ISY1: variants seen among roughly 807,000 people sequenced by gnomAD.
ISY1 encodes pre-mRNA-splicing factor ISY1 homolog.
A neutral mutation model predicts 54.4 loss-of-function variants in ISY1; 12 were observed. That is an observed-to-expected ratio of 0.22 (90% confidence interval 0.14 to 0.36). ISY1 has a LOEUF of 0.36. ISY1 is among the 10% of genes least tolerant of loss of function. The pLI is 1.00. For missense variants in ISY1, 282 were observed against 342.2 expected (o/e 0.82, Z 1.39); for synonymous variants, 96 against 117.9 (o/e 0.81, Z 1.20).
chr3:129,152,658 G>A (rs1301464130), intron 5 of ISY1, among the ~76,000 whole-genome samples: 1 of 151,814 alleles, frequency 6.6e-6, no homozygotes, highest in Non-Finnish European at 1.5e-5. Context: ...CACCCACCTT[G>A]GCCTCCCAAA....
intron 9 of ISY1, among the ~76,000 whole-genome samples, chr3:129,131,559 A>G (rs577213722): frequency 5.3e-5 from 8 of 151,930 alleles, no homozygotes; most frequent in Admixed American, 1.3e-4. Flanking sequence ...GTGTGTGTTC[A>G]CCCTGTGAAA....
In ISY1 at chr3:129,130,068, C is replaced by A. The variant is rs749908400; in HGVS notation, c.*13G>T. 5 of 1,568,104 alleles carry A rather than the reference C, an allele frequency of 3.2e-6. No individual in the cohort carries two copies. The highest frequency in any genetic ancestry group is 4.3e-6 in the Non-Finnish European group (5 of 1,161,390). ...GGGGATGGAAGAACTCCAAGGAGAG[C>A]CCCAGCTGGGTCCTAATACCCCAGG... On this transcript the variant is annotated 3_prime_UTR_variant, in exon 11 of 11. Transcript: ENST00000393295.
intron 5 of ISY1, among the ~76,000 whole-genome samples, chr3:129,148,917 T>TA (rs1560019980): frequency 2.6e-5 from 4 of 152,218 alleles, no homozygotes; most frequent in African/African-American, 9.6e-5. Flanking sequence ...GCCCACTTCT[T>TA]AAAACAAATT....
chr3:129,147,455 C>T (rs1936802182), intron 5 of ISY1, among the ~76,000 whole-genome samples: 2 of 152,086 alleles, frequency 1.3e-5, no homozygotes, highest in African/African-American at 4.8e-5. Flanking sequence ...GAAAAAAGAC[C>T]TGCCACCACC....
intron 5 of ISY1, among the ~76,000 whole-genome samples, chr3:129,150,241 G>A (rs954155494): frequency 6.6e-6 from 1 of 152,088 alleles, no homozygotes; most frequent in Non-Finnish European, 1.5e-5. Flanking sequence ...AAAAAATCCT[G>A]TTAGAATTTT....
chr3:129,158,375 T>G, intron 3 of ISY1, 133 bp downstream of exon 3: 1 of 1,240,488 alleles, frequency 8.1e-7, no homozygotes, highest in South Asian at 1.3e-5. Flanking sequence ...CCCAGACTGG[T>G]CTCAAACTCC....
intron 3 of ISY1, among the ~76,000 whole-genome samples, chr3:129,158,157 C>T (rs2342286): frequency 4.2e-4 from 59 of 141,224 alleles, no homozygotes; most frequent in African/African-American, 1.5e-3. Context: ...CTGCACCCTA[C>T]TTTTTTTTTT....
chr3:129,159,832 A>G (rs1333743300), intron 1 of ISY1, among the ~76,000 whole-genome samples: 1 of 152,188 alleles, frequency 6.6e-6, no homozygotes, highest in Non-Finnish European at 1.5e-5. Flanking sequence ...CATCTTACAG[A>G]GCTGTCACGA....
intron 1 of ISY1, among the ~76,000 whole-genome samples, chr3:129,159,993 T>C (rs1334592308): frequency 6.6e-6 from 1 of 152,130 alleles, no homozygotes; most frequent in Non-Finnish European, 1.5e-5. Context: ...CCGCAGTAAT[T>C]TGGGATATAC....
At chr3:129,140,298 TTAGCATA>T in intron 7 of ISY1, 63 bp downstream of exon 7, 1 of 1,353,150 alleles carries the variant, frequency 7.4e-7, no homozygotes. Context: ...GTAAGAGCAG[TTAGCATA>T]TAGCATATCT....
intron 6 of ISY1, among the ~76,000 whole-genome samples, chr3:129,143,294 G>A (rs1414865854): frequency 6.6e-6 from 1 of 151,642 alleles, no homozygotes; most frequent in Admixed American, 6.6e-5. Flanking sequence ...ATCACCAGAG[G>A]TCAGGAGTTC....
At chr3:129,130,228 GC>G (rs759141675) in intron 10 of ISY1, 40 bp from the exon 11 acceptor site, 2 of 1,557,798 alleles carry the variant, frequency 1.3e-6, no homozygotes, top group Non-Finnish European at 1.7e-6. Context: ...CCTCAGCAAA[GC>G]CCCTCAACCC....
intron 5 of ISY1, among the ~76,000 whole-genome samples, chr3:129,149,289 T>C (rs1456445892): frequency 6.6e-6 from 1 of 150,560 alleles, no homozygotes; most frequent in Non-Finnish European, 1.5e-5. Context: ...ATTAGCTGGG[T>C]ATGGTGACAC....
intron 7 of ISY1, among the ~76,000 whole-genome samples, chr3:129,137,876 C>G (rs1423262979): frequency 7.0e-6 from 1 of 142,076 alleles, no homozygotes; most frequent in Non-Finnish European, 1.5e-5. Flanking sequence ...GATCGCATCA[C>G]TGCACTCCAG....
At chr3:129,137,364 C>G (rs1312608765) in intron 7 of ISY1, among the ~76,000 whole-genome samples, 2 of 152,010 alleles carry the variant, frequency 1.3e-5, no homozygotes, top group Admixed American at 1.3e-4. Flanking sequence ...TATGCATTTT[C>G]TTTCTAAAAC....
At position 129,130,594 on chromosome 3, in the gene ISY1, G is replaced by A; in HGVS notation, c.706C>T (p.Gln236Ter). 1 of 1,614,174 alleles carries A rather than the reference G, an allele frequency of 6.2e-7. No homozygotes were observed. The highest frequency in any genetic ancestry group is 8.5e-7 in the Non-Finnish European group (1 of 1,180,014). ...GSQEKGGDDS[Q>*]QKFIAHVPVP... is the part of the protein sequence containing the mutation. ...GGGACGTGAGCAATGAACTTCTGCT[G>A]GCTGTCGTCCCCTCCTTTCTCCTGG... Residue 236 changes from glutamine to a stop codon, truncating the protein, a stop_gained, in exon 10 of 11, where the codon CAG becomes TAG. Coordinates refer to ENST00000393295, the MANE Select transcript of ISY1 (RefSeq NM_020701.4). LOFTEE classifies it high-confidence loss of function.
In ISY1 at chr3:129,161,015, T is replaced by C. The variant is rs1448743376; in HGVS notation, c.-40A>G. 6.2e-6 allele frequency: 9 copies of C among 1,449,750 alleles called. No homozygotes were observed. The Admixed American group carries it at 1.1e-4, about 17-fold the overall frequency. 89.8% of individuals were successfully genotyped at this position (1,449,750 alleles called of 1,614,324 possible). Reference sequence around the variant, plus strand: ...CGCCGTCCTGGAGCCCCGCGGCCCCTGTCCAAGAAACTCCACAGGCCCAGA... The same window carrying C: ...CGCCGTCCTGGAGCCCCGCGGCCCCCGTCCAAGAAACTCCACAGGCCCAGA... On this transcript the variant is annotated 5_prime_UTR_variant, in exon 1 of 11. Transcript: ENST00000393295.
rs992080354 is a variant in ISY1, at chr3:129,160,867, A to G, written c.3+106T>C. 16 of 1,378,518 alleles carry G rather than the reference A, an allele frequency of 1.2e-5. 1 individual carries two copies. In the African/African-American group the frequency reaches 1.7e-4, roughly 15 times the overall value. 85.4% of individuals were successfully genotyped at this position (1,378,518 alleles called of 1,614,324 possible). On this transcript the variant is annotated intron_variant, in intron 1 of 10. Transcript: ENST00000393295. Reference sequence around the variant, plus strand: ...TTACACCAAGGAACTTGAAGCCCTCAGCACTGCACGTCTGAGCCTCTACCG... The same window carrying G: ...TTACACCAAGGAACTTGAAGCCCTCGGCACTGCACGTCTGAGCCTCTACCG...
chr3:129,157,350 T>G (rs963337709), intron 3 of ISY1, among the ~76,000 whole-genome samples: 5 of 152,130 alleles, frequency 3.3e-5, no homozygotes, highest in African/African-American at 1.2e-4. Flanking sequence ...ATGAAATAAT[T>G]TACCGGTTTC....
Sources: allele counts gnomAD v4.1 joint callset (sites outside exome capture counted in the v4.1 genomes callset), GRCh38; gene constraint gnomAD v4.1.1; transcripts MANE v1.5; gene names NCBI Gene and HGNC (gene_info 2026-07-23, HGNC 2026-07-21).